The following WDFY1 variants were observed in gnomAD, a reference collection of about 807,000 sequenced individuals.
WDFY1 encodes the protein WD repeat and FYVE domain containing 1, also known as WD repeat and FYVE domain-containing protein 1.
Under a neutral mutation model 56.4 loss-of-function variants are expected in WDFY1, and 32 were observed. That is an observed-to-expected ratio of 0.57 (90% CI 0.43 to 0.76). The LOEUF (loss-of-function observed/expected upper bound fraction) is 0.76, where lower values mean the gene tolerates loss of function less well. Ranked by LOEUF, WDFY1 falls within the 30% of genes least tolerant of loss-of-function variation. The probability of loss-of-function intolerance (pLI) is 0.00; values close to 1 mark genes in which losing one functional copy is unlikely to be tolerated. For missense variants in WDFY1, 480 were observed against 545.7 expected, an observed-to-expected ratio of 0.88 and a Z score of 1.20; for synonymous variants, 192 against 197.3, an observed-to-expected ratio of 0.97 and a Z score of 0.23.
intron 4 of WDFY1, among the ~76,000 whole-genome samples, chr2:223,903,059 C>T (rs1326810236): frequency 6.6e-6 from 1 of 152,104 alleles, no homozygotes; most frequent in Non-Finnish European, 1.5e-5. Context: ...TACAGTCATG[C>T]TTATTTTGCT....
intron 8 of WDFY1, among the ~76,000 whole-genome samples, chr2:223,893,354 C>CA (rs557812473): frequency 0.019 from 2,027 of 108,666 alleles, 33 homozygotes; most frequent in African/African-American, 0.044. Context: ...CTGTCTCTAC[C>CA]AAAAAAAAAA....
At position 223,894,276 on chromosome 2, in the gene WDFY1, G is replaced by T. The variant is rs145535635; in HGVS notation, c.789C>A (p.Asp263Glu). The T allele has an allele frequency of 6.2e-7, 1 of 1,614,164 alleles. No homozygotes were observed. Among genetic ancestry groups the T allele is most frequent in the Admixed American group, 1.7e-5 (1 of 60,024 alleles). The change falls in exon 8 of 12, where the codon GAC becomes GAA. Residue 263 changes from aspartate (D) to glutamate (E), a missense_variant. Asp to Glu is a conservative substitution (Grantham distance 45, BLOSUM62 2). Transcript: ENST00000233055. ...LTRQLVSCSS[D>E]GGIAVWNMDV... ...CCATGTTCCACACTGCAATTCCGCC[G>T]TCCGAGGAACAGGAGACGAGCTGCC...
intron 2 of WDFY1, 97 bp downstream of exon 2, chr2:223,917,846 A>T: frequency 7.0e-7 from 1 of 1,430,674 alleles, no homozygotes; most frequent in Non-Finnish European, 9.7e-7. Flanking sequence ...TGCTGGGATT[A>T]CAGGTGTGAG....
chr2:223,913,317 G>T (rs974050848), intron 2 of WDFY1, among the ~76,000 whole-genome samples: 11 of 152,052 alleles, frequency 7.2e-5, no homozygotes, highest in African/African-American at 1.9e-4. Context: ...CTCACCAAAG[G>T]AAGGAAGTAA....
chr2:223,919,974 C>T (rs1241062501), intron 1 of WDFY1, among the ~76,000 whole-genome samples: 1 of 152,200 alleles, frequency 6.6e-6, no homozygotes. Context: ...AAGCCAGACC[C>T]ATGCAAGCAC....
At position 223,917,967 on chromosome 2, in the gene WDFY1, G is replaced by C; in HGVS notation, c.181C>G (p.Pro61Ala). The change falls in exon 2 of 12, where the codon CCC becomes GCC. Residue 61 changes from proline (P) to alanine (A), a missense_variant. By Grantham distance (27) the Pro-to-Ala change is conservative. Transcript: ENST00000233055. ...WLKRDSGQYW[P>A]SIYHTMASPC... The stretch of plus-strand genomic sequence containing the variant: ...CAGGCCATTGTGTGGTAAATGCTGG[G>C]CCAGTATTGACCACTGTCTCTTTTC... The C allele has an allele frequency of 6.2e-7, 1 of 1,614,138 alleles. No homozygotes were observed. Among genetic ancestry groups the C allele is most frequent in the Non-Finnish European group, 8.5e-7 (1 of 1,180,010 alleles).
chr2:223,879,501 C>T (rs1029581819), intron 11 of WDFY1, among the ~76,000 whole-genome samples: 1 of 151,654 alleles, frequency 6.6e-6, no homozygotes, highest in Non-Finnish European at 1.5e-5. Flanking sequence ...ATGAAAAATC[C>T]CCCCAAAATT....
chr2:223,926,963 C>T (rs984754270), intron 1 of WDFY1, among the ~76,000 whole-genome samples: 9 of 152,170 alleles, frequency 5.9e-5, no homozygotes, highest in African/African-American at 1.2e-4. Context: ...CCACCGTTTC[C>T]GGCCAACAAG....
intron 2 of WDFY1, among the ~76,000 whole-genome samples, chr2:223,912,596 T>C (rs1693723435): frequency 6.6e-6 from 1 of 152,218 alleles, no homozygotes; most frequent in South Asian, 2.1e-4. Flanking sequence ...CTGAAAGTAC[T>C]ACCTGTAGTC....
intron 1 of WDFY1, among the ~76,000 whole-genome samples, chr2:223,928,057 C>T (rs1694015416): frequency 6.6e-6 from 1 of 152,106 alleles, no homozygotes; most frequent in Admixed American, 6.6e-5. Context: ...TATGTGGGCA[C>T]AGTTTGTGGC....
chr2:223,880,231 G>A lies in WDFY1; in HGVS notation c.1066C>T (p.Arg356Trp), dbSNP rs201606352. The A allele has an allele frequency of 2.9e-5, 47 of 1,613,532 alleles. No homozygotes were observed. The highest frequency in any genetic ancestry group is 3.6e-5 in the Non-Finnish European group (43 of 1,179,700). ...TCATGAAAGGTCGCTAGAGAAGTCC[G>A]ACTAACAAGAGAAAAGAGATCACTG... ...SCYDSIKDED[R>W]TSLATFHEGK... is the part of the protein sequence containing the mutation. Residue 356 changes from arginine (R) to tryptophan (W), a missense_variant and splice_region_variant, in exon 11 of 12, where the codon CGG becomes TGG. By Grantham distance (101) the Arg-to-Trp change is moderately radical. Coordinates refer to ENST00000233055, the MANE Select transcript of WDFY1 (RefSeq NM_020830.5).
intron 8 of WDFY1, among the ~76,000 whole-genome samples, chr2:223,890,432 TA>T (rs1288381719): frequency 1.3e-5 from 2 of 152,016 alleles, no homozygotes; most frequent in African/African-American, 4.8e-5. Context: ...AATATATGCT[TA>T]AAAAAATTTG....
intron 1 of WDFY1, among the ~76,000 whole-genome samples, chr2:223,942,771 A>C (rs1279843958): frequency 1.0e-4 from 8 of 78,660 alleles, no homozygotes; most frequent in East Asian, 4.5e-4. Context: ...TCCTGACCTC[A>C]TGATCCACCC....
intron 1 of WDFY1, among the ~76,000 whole-genome samples, chr2:223,930,278 ACAAT>A (rs1462131752): frequency 6.6e-6 from 1 of 152,224 alleles, no homozygotes; most frequent in African/African-American, 2.4e-5. Context: ...CACGCTCCTT[ACAAT>A]CAGCCATTTT....
intron 1 of WDFY1, among the ~76,000 whole-genome samples, chr2:223,918,479 C>CTA (rs1336076047): frequency 6.6e-6 from 1 of 151,788 alleles, no homozygotes; most frequent in Non-Finnish European, 1.5e-5. Context: ...ATACAAAAAA[C>CTA]ATTTAACTGG....
chr2:223,891,479 A>G, intron 8 of WDFY1, among the ~76,000 whole-genome samples: 1 of 151,570 alleles, frequency 6.6e-6, no homozygotes, highest in East Asian at 1.9e-4. Context: ...TTATTAAAAA[A>G]CAAACAAACA....
intron 1 of WDFY1, among the ~76,000 whole-genome samples, chr2:223,923,229 T>G (rs1313564335): frequency 6.6e-6 from 1 of 152,218 alleles, no homozygotes; most frequent in Non-Finnish European, 1.5e-5. Flanking sequence ...TTAACACTAT[T>G]GTACCCCAAG....
rs534935267 is a variant in WDFY1, at chr2:223,883,769, C to T, written c.933+879G>A. On this transcript the variant is annotated intron_variant, in intron 9 of 11. Coordinates refer to ENST00000233055, the MANE Select transcript of WDFY1 (RefSeq NM_020830.5). ...CAAGTGATTCTCCTGCCTCAGCCTCCCGAGTAGCTGGGATTACAGGCGTCC... is the reference window on the plus strand; with the variant it reads ...CAAGTGATTCTCCTGCCTCAGCCTCTCGAGTAGCTGGGATTACAGGCGTCC... Among the ~76,000 whole-genome samples the T allele has an allele frequency of 1.4e-3, 218 of 152,290 alleles. 2 individuals carry two copies. The highest frequency in any genetic ancestry group is 6.8e-3 in the Middle Eastern group (2 of 294).
At chr2:223,927,292 A>G (rs1183586256) in intron 1 of WDFY1, among the ~76,000 whole-genome samples, 6 of 152,208 alleles carry the variant, frequency 3.9e-5, no homozygotes, top group Admixed American at 6.5e-5. Flanking sequence ...TCTTCTTCCA[A>G]AAGAATTGTT....
Sources: allele counts gnomAD v4.1 joint callset (sites outside exome capture counted in the v4.1 genomes callset), GRCh38; gene constraint gnomAD v4.1.1; transcripts MANE v1.5; gene names NCBI Gene and HGNC (gene_info 2026-07-23, HGNC 2026-07-21).